COL24A1: variants seen among roughly 807,000 people sequenced by gnomAD.
COL24A1 encodes the protein collagen alpha-1(XXIV) chain.
Under a neutral mutation model 253.9 loss-of-function variants are expected in COL24A1, and 224 were observed. The observed-to-expected ratio is 0.88, with a 90% CI of 0.79 to 0.99. The LOEUF (loss-of-function observed/expected upper bound fraction) is 0.99, where lower values mean the gene tolerates loss of function less well. Ranked by LOEUF, COL24A1 falls within the 50% of genes least tolerant of loss-of-function variation. The pLI, the probability that COL24A1 is intolerant of heterozygous loss-of-function variation, is 0.00. For synonymous variants in COL24A1, 685 were observed against 673.7 expected (o/e 1.02, Z -0.26); for missense variants, 2,131 against 2,068.5 (o/e 1.03, Z -0.59).
intron 45 of COL24A1, among the ~76,000 whole-genome samples, chr1:85,822,296 A>C (rs1347582754): frequency 6.6e-6 from 1 of 152,216 alleles, no homozygotes; most frequent in Non-Finnish European, 1.5e-5. Context: ...ATATGGGTGA[A>C]GGCTGCTTAA....
intron 22 of COL24A1, 35 bp from the exon 23 acceptor site, chr1:85,965,097 A>C: frequency 6.6e-7 from 1 of 1,512,776 alleles, no homozygotes; most frequent in African/African-American, 1.4e-5. Flanking sequence ...GAAAGTATAT[A>C]TGTTTAGTCA....
chr1:86,040,291 C>A (rs1337501047), intron 12 of COL24A1, among the ~76,000 whole-genome samples: 5 of 151,516 alleles, frequency 3.3e-5, no homozygotes, highest in Non-Finnish European at 5.9e-5. Flanking sequence ...ACCTACAAGG[C>A]TCTTTTTTTT....
intron 43 of COL24A1, among the ~76,000 whole-genome samples, chr1:85,832,442 G>T (rs1230040945): frequency 6.6e-6 from 1 of 151,748 alleles, no homozygotes; most frequent in Non-Finnish European, 1.5e-5. Context: ...CTTTAAAGTA[G>T]TTTTTTCCAA....
At chr1:85,993,601 A>C (rs1479117801) in intron 19 of COL24A1, among the ~76,000 whole-genome samples, 1 of 152,106 alleles carries the variant, frequency 6.6e-6, no homozygotes, top group South Asian at 2.1e-4. Context: ...GAACAAGTAA[A>C]TTACTGGGTT....
At chr1:85,975,376 C>G (rs1343724004) in intron 20 of COL24A1, among the ~76,000 whole-genome samples, 1 of 152,156 alleles carries the variant, frequency 6.6e-6, no homozygotes, top group African/African-American at 2.4e-5. Flanking sequence ...TATCCACCAA[C>G]AGATGACTGG....
chr1:85,947,806 G>T (rs7554463), intron 24 of COL24A1, among the ~76,000 whole-genome samples: 150,616 of 152,304 alleles, frequency 0.99, 74,497 homozygotes, highest in Middle Eastern at 1. Flanking sequence ...TTTAAGGATA[G>T]TTCATTTCTG....
chr1:85,913,093 A>C (rs986303412), intron 24 of COL24A1, among the ~76,000 whole-genome samples: 1 of 152,164 alleles, frequency 6.6e-6, no homozygotes, highest in Non-Finnish European at 1.5e-5. Flanking sequence ...TTATTGCTTA[A>C]ATCTAGTTGG....
intron 10 of COL24A1, among the ~76,000 whole-genome samples, chr1:86,057,401 G>A (rs1571771439): frequency 6.6e-6 from 1 of 152,252 alleles, no homozygotes; most frequent in East Asian, 1.9e-4. Context: ...GATGCAAAAA[G>A]TGACTAATAC....
At chr1:85,777,195 G>A (rs530123847) in intron 52 of COL24A1, among the ~76,000 whole-genome samples, 5 of 151,908 alleles carry the variant, frequency 3.3e-5, no homozygotes, top group African/African-American at 9.7e-5. Context: ...TGATCCGCCC[G>A]CCTCAGCCTC....
intron 5 of COL24A1, among the ~76,000 whole-genome samples, chr1:86,102,001 C>G (rs1312062255): frequency 1.3e-5 from 2 of 151,488 alleles, no homozygotes; most frequent in African/African-American, 2.4e-5. Context: ...TACTACGAAT[C>G]TATCTGGTCC....
At chr1:86,111,157 T>A (rs896450637) in intron 5 of COL24A1, among the ~76,000 whole-genome samples, 2 of 148,916 alleles carry the variant, frequency 1.3e-5, no homozygotes, top group Admixed American at 1.3e-4. Context: ...AGAGAACTTT[T>A]ATGTCTAGCT....
Position 86,125,176 on chromosome 1 carries a change from A to G in COL24A1, c.1160T>C (p.Leu387Pro). The stretch of plus-strand genomic sequence containing the variant: ...AGATGGCATCTTCTTAAACAGTGAC[A>G]GACCAGTTACTCTATCATCATGTTG... ...ITQHDDRVTG[L>P]SLFKKMPSIL... The change falls in exon 3 of 60, where the codon CTG (leucine) becomes CCG (proline). Residue 387 changes from leucine (L) to proline (P), a missense_variant. Leu to Pro is a moderately conservative substitution (Grantham distance 98). Transcript: ENST00000370571. The G allele has an allele frequency of 1.2e-6, 2 of 1,613,436 alleles. No homozygotes were observed. Among genetic ancestry groups the G allele is most frequent in the Non-Finnish European group, 1.7e-6 (2 of 1,179,622 alleles).
At chr1:85,890,844 C>A (rs1683047961) in intron 31 of COL24A1, among the ~76,000 whole-genome samples, 1 of 152,136 alleles carries the variant, frequency 6.6e-6, no homozygotes, top group African/African-American at 2.4e-5. Context: ...AATAACCATA[C>A]TGGACCTGTA....
chr1:85,861,313 T>C (rs1057255877), intron 37 of COL24A1, among the ~76,000 whole-genome samples: 4 of 152,208 alleles, frequency 2.6e-5, no homozygotes, highest in Non-Finnish European at 5.9e-5. Flanking sequence ...TTTTCACTTA[T>C]GTTAATTATC....
chr1:85,864,989 T>C (rs1224170761), intron 37 of COL24A1, among the ~76,000 whole-genome samples: 1 of 152,174 alleles, frequency 6.6e-6, no homozygotes, highest in Non-Finnish European at 1.5e-5. Context: ...TTTAGGCAAC[T>C]GAACATTTTA....
At chr1:86,128,643 T>G (rs1201210133) in intron 2 of COL24A1, among the ~76,000 whole-genome samples, 3 of 151,934 alleles carry the variant, frequency 2.0e-5, no homozygotes. Context: ...TTTGAAAACT[T>G]TAAAAAGCAT....
rs1241290854 is a variant in COL24A1, at chr1:85,847,753, C to CCTAT, written c.3370_3373dup (p.Gly1125AspfsTer22). The CCTAT allele has an allele frequency of 1.9e-6, 3 of 1,613,378 alleles. No homozygotes were observed. The highest frequency in any genetic ancestry group is 2.5e-6 in the Non-Finnish European group (3 of 1,179,650). On this transcript the variant is annotated frameshift_variant, in exon 39 of 60. Coordinates refer to ENST00000370571, the MANE Select transcript of COL24A1 (RefSeq NM_152890.7). LOFTEE classifies it high-confidence loss of function. Reference sequence around the variant, plus strand: ...TCTGCTTCCAACTTCTCCTGTGGGTCCTATTTGTCCTTTATCACCCTGTGG... The same window carrying CCTAT: ...TCTGCTTCCAACTTCTCCTGTGGGTCCTATCTATTTGTCCTTTATCACCCTGTGG...
chr1:86,017,763 T>C (rs890817242), intron 18 of COL24A1, among the ~76,000 whole-genome samples: 4 of 152,226 alleles, frequency 2.6e-5, no homozygotes, highest in African/African-American at 4.8e-5. Flanking sequence ...AGATAATATA[T>C]GTAAAGTGCT....
intron 22 of COL24A1, among the ~76,000 whole-genome samples, chr1:85,966,150 C>A (rs974893284): frequency 2.0e-5 from 3 of 152,080 alleles, no homozygotes; most frequent in African/African-American, 7.2e-5. Context: ...GAAGGTAGAG[C>A]TTCCAGGAAC....
Sources: gnomAD v4.1 joint callset for allele counts (sites outside exome capture counted in the v4.1 genomes callset) on GRCh38, gnomAD v4.1.1 for gene constraint, MANE v1.5 for transcripts, NCBI Gene and HGNC (gene_info 2026-07-23, HGNC 2026-07-21) for gene names.